DGKB: variants seen among roughly 807,000 people sequenced by gnomAD.
DGKB encodes the protein diacylglycerol kinase beta.
DGKB carries 67 observed loss-of-function variants against 114.3 expected under a neutral mutation model. The ratio of observed to expected loss-of-function variants is 0.59; its 90% confidence interval spans 0.48 to 0.72. The LOEUF (loss-of-function observed/expected upper bound fraction) is 0.72. Ranked by LOEUF, DGKB falls within the 30% of genes least tolerant of loss-of-function variation. The pLI, the probability that DGKB is intolerant of heterozygous loss-of-function variation, is 0.00. For missense variants in DGKB, 907 were observed against 975.2 expected, an observed-to-expected ratio of 0.93 and a Z score of 0.93; for synonymous variants, 398 against 323.1, an observed-to-expected ratio of 1.23 and a Z score of -2.49.
chr7:14,336,905 G>A (rs192788343), intron 23 of DGKB, among the ~76,000 whole-genome samples: 48 of 152,260 alleles, frequency 3.2e-4, no homozygotes, highest in African/African-American at 1.1e-3. Context: ...TAAGTATCGG[G>A]AATGTGTAGA....
chr7:14,664,592 A>C (rs966383019), intron 13 of DGKB, among the ~76,000 whole-genome samples: 3 of 151,994 alleles, frequency 2.0e-5, no homozygotes, highest in Non-Finnish European at 4.4e-5. Flanking sequence ...TGATCACACT[A>C]TGTACTCTCT....
intron 20 of DGKB, among the ~76,000 whole-genome samples, chr7:14,539,558 T>G (rs2128615360): frequency 6.6e-6 from 1 of 152,256 alleles, no homozygotes; most frequent in Non-Finnish European, 1.5e-5. Context: ...AACCCTGTTT[T>G]AATGCTGAAA....
intron 17 of DGKB, among the ~76,000 whole-genome samples, chr7:14,605,418 G>A (rs978683671): frequency 3.4e-5 from 5 of 149,066 alleles, no homozygotes; most frequent in East Asian, 2.0e-4. Flanking sequence ...GTATGAATAC[G>A]TTATAGATAG....
intron 2 of DGKB, among the ~76,000 whole-genome samples, chr7:14,822,700 G>T (rs956474938): frequency 2.0e-5 from 3 of 152,098 alleles, no homozygotes; most frequent in African/African-American, 7.2e-5. Flanking sequence ...GTAGGTGTGG[G>T]TCTACAGAAT....
intron 22 of DGKB, among the ~76,000 whole-genome samples, chr7:14,341,335 G>A (rs1811571031): frequency 1.3e-5 from 2 of 151,810 alleles, no homozygotes; most frequent in Non-Finnish European, 2.9e-5. Flanking sequence ...TGGTTCTGAT[G>A]GAGACCAGTA....
At chr7:14,406,633 G>T (rs1343568144) in intron 21 of DGKB, among the ~76,000 whole-genome samples, 1 of 151,974 alleles carries the variant, frequency 6.6e-6, no homozygotes, top group African/African-American at 2.4e-5. Context: ...GGTTCAAGTA[G>T]ACTGACCCAC....
At chr7:14,964,013 A>T (rs1787012281) in intron 1 of DGKB, among the ~76,000 whole-genome samples, 1 of 152,110 alleles carries the variant, frequency 6.6e-6, no homozygotes, top group Non-Finnish European at 1.5e-5. Context: ...AAAAATTTGC[A>T]GTGGGAAAAT....
At chr7:14,819,997 G>C (rs533936794) in intron 2 of DGKB, among the ~76,000 whole-genome samples, 2 of 152,030 alleles carry the variant, frequency 1.3e-5, no homozygotes, top group Non-Finnish European at 2.9e-5. Context: ...ATTGTGTTTT[G>C]GGTTCTTTTA....
chr7:14,563,054 T>G (rs948683470), intron 20 of DGKB, among the ~76,000 whole-genome samples: 1 of 152,082 alleles, frequency 6.6e-6, no homozygotes, highest in Non-Finnish European at 1.5e-5. Context: ...GCTGTTCTTG[T>G]GATAGTGAAT....
At chr7:14,505,543 T>C (rs1409036990) in intron 20 of DGKB, among the ~76,000 whole-genome samples, 1 of 152,208 alleles carries the variant, frequency 6.6e-6, no homozygotes, top group Admixed American at 6.5e-5. Flanking sequence ...TTCACAACTT[T>C]GCTGCCTTGT....
intron 13 of DGKB, among the ~76,000 whole-genome samples, chr7:14,647,837 G>C (rs575117167): frequency 1.2e-4 from 18 of 152,338 alleles, no homozygotes; most frequent in Non-Finnish European, 1.9e-4. Flanking sequence ...CTTGGGAAGC[G>C]CAAGGGGTCA....
intron 13 of DGKB, among the ~76,000 whole-genome samples, chr7:14,668,841 T>C (rs1474096626): frequency 6.6e-6 from 1 of 152,144 alleles, no homozygotes; most frequent in Non-Finnish European, 1.5e-5. Flanking sequence ...GGCTGCCCTC[T>C]CTGTACATCA....
intron 21 of DGKB, among the ~76,000 whole-genome samples, chr7:14,462,103 T>G (rs1221634859): frequency 6.6e-6 from 1 of 152,158 alleles, no homozygotes; most frequent in Non-Finnish European, 1.5e-5. Context: ...ATGGAATGTA[T>G]CTCAAAATAA....
chr7:14,391,239 C>T (rs1208989963), intron 21 of DGKB, among the ~76,000 whole-genome samples: 1 of 152,066 alleles, frequency 6.6e-6, no homozygotes, highest in Non-Finnish European at 1.5e-5. Context: ...TTGGTTTTTG[C>T]TGTATTTTGA....
intron 21 of DGKB, among the ~76,000 whole-genome samples, chr7:14,371,526 G>C (rs540094648): frequency 6.6e-6 from 1 of 151,982 alleles, no homozygotes; most frequent in East Asian, 1.9e-4. Flanking sequence ...TTTTTTACTT[G>C]TTAAATTGTT....
At chr7:14,682,332 C>T (rs1312444255) in intron 12 of DGKB, among the ~76,000 whole-genome samples, 1 of 152,064 alleles carries the variant, frequency 6.6e-6, no homozygotes, top group Non-Finnish European at 1.5e-5. Flanking sequence ...ACCATGGTAT[C>T]ATCTCTTAGA....
intron 25 of DGKB, among the ~76,000 whole-genome samples, chr7:14,152,499 G>A (rs934936537): frequency 6.6e-6 from 1 of 151,928 alleles, no homozygotes; most frequent in Non-Finnish European, 1.5e-5. Context: ...GATACAGAAT[G>A]GTGTCCTCCT....
chr7:14,819,786 T>A (rs1268135351), intron 2 of DGKB, among the ~76,000 whole-genome samples: 1 of 152,062 alleles, frequency 6.6e-6, no homozygotes, highest in East Asian at 1.9e-4. Flanking sequence ...GTTCTTAATA[T>A]CTATACCATA....
chr7:14,273,562 T>G (rs1387143924), intron 23 of DGKB, among the ~76,000 whole-genome samples: 2 of 152,194 alleles, frequency 1.3e-5, no homozygotes, highest in African/African-American at 4.8e-5. Flanking sequence ...ATTGTTGTAT[T>G]GACACAAGGC....
Sources: allele counts gnomAD v4.1 joint callset (sites outside exome capture counted in the v4.1 genomes callset), GRCh38; gene constraint gnomAD v4.1.1; transcripts MANE v1.5; gene names NCBI Gene and HGNC (gene_info 2026-07-23, HGNC 2026-07-21).